PIK3C2G: variants seen among roughly 807,000 people sequenced by gnomAD.
PIK3C2G encodes the protein phosphatidylinositol 3-kinase C2 domain-containing subunit gamma.
A neutral mutation model predicts 181.1 loss-of-function variants in PIK3C2G; 168 were observed. The ratio of observed to expected loss-of-function variants is 0.93; its 90% CI spans 0.82 to 1.05. PIK3C2G has a LOEUF of 1.05. PIK3C2G is among the 50% of genes least tolerant of loss of function. PIK3C2G has a pLI of 0.00. For missense variants in PIK3C2G, 1,869 were observed against 1,732.8 expected (o/e 1.08, Z -1.40); for synonymous variants, 573 against 592.2 (o/e 0.97, Z 0.47).
intron 30 of PIK3C2G, among the ~76,000 whole-genome samples, chr12:18,599,681 T>TA (rs761516293): frequency 7.1e-4 from 70 of 99,274 alleles, no homozygotes; most frequent in South Asian, 1.4e-3. Flanking sequence ...TAAATATAAA[T>TA]AAAAAAAAAT....
rs1941356628 is a variant in PIK3C2G at position 18,362,791 on chromosome 12, GC to G, written c.1654del (p.Thr553HisfsTer10). On this transcript the variant is annotated frameshift_variant, in exon 12 of 33. Coordinates refer to ENST00000538779, the MANE Select transcript of PIK3C2G (RefSeq NM_001288772.2). LOFTEE classifies it high-confidence loss of function. ...SYKAFSFTCW[L>X]TYAGKKLCQV... ...ACAAAGCGTTTTCTTTTACCTGTTG[GC>G]TTACATATGCTGGAAAGAAGCTGTG... The G allele has an allele frequency of 6.6e-7, 1 of 1,522,890 alleles. No homozygotes were observed. Among genetic ancestry groups the G allele is most frequent in the Admixed American group, 2.1e-5 (1 of 48,422 alleles). 94.3% of individuals were successfully genotyped at this position (1,522,890 alleles called of 1,614,324 possible).
chr12:18,591,642 A>T (rs1295724495), intron 29 of PIK3C2G, among the ~76,000 whole-genome samples: 2 of 151,986 alleles, frequency 1.3e-5, no homozygotes, highest in Non-Finnish European at 2.9e-5. Context: ...TAGGGAAATG[A>T]GCAAGATCCC....
chr12:18,360,058 T>C (rs1167924175), intron 11 of PIK3C2G, among the ~76,000 whole-genome samples: 6 of 152,128 alleles, frequency 3.9e-5, no homozygotes, highest in African/African-American at 1.4e-4. Flanking sequence ...TGGCTGTGTA[T>C]TTTTAGTGTT....
At chr12:18,267,845 T>C (rs1948570530) in intron 1 of PIK3C2G, among the ~76,000 whole-genome samples, 1 of 152,196 alleles carries the variant, frequency 6.6e-6, no homozygotes, top group South Asian at 2.1e-4. Context: ...ATTCTTTGTA[T>C]CCCAAACATT....
intron 1 of PIK3C2G, among the ~76,000 whole-genome samples, chr12:18,279,479 TA>T (rs939800173): frequency 3.3e-5 from 5 of 151,872 alleles, no homozygotes; most frequent in African/African-American, 1.2e-4. Context: ...TCCATAAAAT[TA>T]AAAAAACTCA....
chr12:18,456,357 G>T (rs1328843301), intron 18 of PIK3C2G, among the ~76,000 whole-genome samples: 1 of 151,700 alleles, frequency 6.6e-6, no homozygotes, highest in African/African-American at 2.4e-5. Flanking sequence ...AAGAGTGGAG[G>T]CTTATTAGTC....
At chr12:18,696,137 G>T in the PIK3C2G span, 5 of 1,261,248 alleles carry the variant, frequency 4.0e-6, no homozygotes, top group African/African-American at 1.5e-5. Flanking sequence ...ACTCAATATC[G>T]TATATAACAT....
At chr12:18,505,993 A>C (rs1261130003) in intron 24 of PIK3C2G, among the ~76,000 whole-genome samples, 4 of 152,240 alleles carry the variant, frequency 2.6e-5, no homozygotes, top group Non-Finnish European at 5.9e-5. Context: ...ACAAGTTTAC[A>C]AGCTAAGAAA....
At chr12:18,470,710 G>A (rs1592341877) in intron 18 of PIK3C2G, among the ~76,000 whole-genome samples, 2 of 151,934 alleles carry the variant, frequency 1.3e-5, no homozygotes, top group Non-Finnish European at 2.9e-5. Context: ...TAAGCCACAC[G>A]GTTCATTCCT....
At chr12:18,303,139 T>TTTCTTTCTTCTTTCTTTCTTTC (rs71302109) in intron 5 of PIK3C2G, among the ~76,000 whole-genome samples, 14 of 128,728 alleles carry the variant, frequency 1.1e-4, no homozygotes, top group African/African-American at 3.9e-4. Context: ...TCTTTCTTTC[T>TTTCTTTCTTCTTTCTTTCTTTC]TTTCTTTTCT....
intron 31 of PIK3C2G, among the ~76,000 whole-genome samples, chr12:18,621,415 G>C (rs1948855922): frequency 6.6e-6 from 1 of 151,748 alleles, no homozygotes; most frequent in Admixed American, 6.6e-5. Flanking sequence ...TTAGAATTCT[G>C]AATTTTTAGA....
In PIK3C2G at chr12:18,546,354, G is replaced by C; in HGVS notation, c.3512G>C (p.Gly1171Ala). The C allele has an allele frequency of 6.3e-7, 1 of 1,599,766 alleles. No individual in the cohort carries two copies. Among genetic ancestry groups the C allele is most frequent in the Non-Finnish European group, 8.5e-7 (1 of 1,171,824 alleles). The change falls in exon 26 of 33, where the codon GGA becomes GCA. Residue 1171 changes from glycine to alanine, a missense_variant. Physicochemically the swap from Gly to Ala is moderately conservative, Grantham distance 60. Transcript: ENST00000538779. Reference sequence around the variant, plus strand: ...TATGCAGGACTGCCTGAGCTAAGTGGAATTCAAGACCTGAAATATGTGTAT... The same window carrying C: ...TATGCAGGACTGCCTGAGCTAAGTGCAATTCAAGACCTGAAATATGTGTAT... ...MLYAGLPELS[G>A]IQDLKYVYNN...
chr12:18,357,423 C>T (rs764941846), intron 11 of PIK3C2G, among the ~76,000 whole-genome samples: 2 of 152,110 alleles, frequency 1.3e-5, no homozygotes, highest in African/African-American at 2.4e-5. Context: ...AATATTAGCA[C>T]TATTGTTAGT....
At chr12:18,243,788 T>G (rs1366184634), upstream of PIK3C2G, among the ~76,000 whole-genome samples, 4 of 152,020 alleles carry the variant, frequency 2.6e-5, no homozygotes, top group Admixed American at 6.6e-5. Context: ...AGCTTCACAC[T>G]GGATTTGCTA....
the PIK3C2G span, among the ~76,000 whole-genome samples, chr12:18,708,844 A>AT: frequency 3.0e-4 from 45 of 151,848 alleles, no homozygotes; most frequent in African/African-American, 9.2e-4. Context: ...TTTTTTGTTC[A>AT]TTTTTTAATC....
chr12:18,460,217 C>T (rs1947841987), intron 18 of PIK3C2G, among the ~76,000 whole-genome samples: 1 of 152,142 alleles, frequency 6.6e-6, no homozygotes, highest in South Asian at 2.1e-4. Flanking sequence ...CTAAACCTCT[C>T]TGAGACTCAG....
chr12:18,564,375 A>G (rs900063549), intron 28 of PIK3C2G, among the ~76,000 whole-genome samples: 3 of 151,420 alleles, frequency 2.0e-5, no homozygotes, highest in Non-Finnish European at 4.4e-5. Context: ...TGTTAAGTAA[A>G]GTAAATGGTC....
intron 28 of PIK3C2G, among the ~76,000 whole-genome samples, chr12:18,566,085 G>A (rs966913735): frequency 6.6e-6 from 1 of 152,120 alleles, no homozygotes; most frequent in Non-Finnish European, 1.5e-5. Context: ...AAAATAAAAT[G>A]TTCATTGTTA....
chr12:18,526,758 T>C (rs910745681), intron 24 of PIK3C2G, among the ~76,000 whole-genome samples: 1 of 152,096 alleles, frequency 6.6e-6, no homozygotes, highest in Non-Finnish European at 1.5e-5. Flanking sequence ...AAATAGTGCT[T>C]TGGATGTTAC....
Sources: gnomAD v4.1 joint callset for allele counts (sites outside exome capture counted in the v4.1 genomes callset) on GRCh38, gnomAD v4.1.1 for gene constraint, MANE v1.5 for transcripts, NCBI Gene and HGNC (gene_info 2026-07-23, HGNC 2026-07-21) for gene names.